Variants in SLC25A48 observed in about 807,000 individuals in gnomAD.
The protein encoded by SLC25A48 is CTC-321K16.1.
SLC25A48 carries 29 observed loss-of-function variants against 32.2 expected under a neutral mutation model. The observed-to-expected ratio is 0.90, with a 90% CI of 0.67 to 1.23. SLC25A48 has a LOEUF of 1.23. Ranked by LOEUF, SLC25A48 falls within the 50% of genes most tolerant of loss-of-function variation. The probability of loss-of-function intolerance (pLI) is 0.00; values close to 1 mark genes in which losing one functional copy is unlikely to be tolerated. For missense variants in SLC25A48, 399 were observed against 422.7 expected (o/e 0.94, Z 0.49); for synonymous variants, 164 against 172.3 (o/e 0.95, Z 0.38).
intron 3 of SLC25A48, among the ~76,000 whole-genome samples, chr5:135,743,793 C>T (rs903197075): frequency 6.6e-6 from 1 of 152,194 alleles, no homozygotes; most frequent in Non-Finnish European, 1.5e-5. Context: ...GGATGACTGC[C>T]CTCACAAATT....
At chr5:135,735,814 A>G (rs1229468178) in intron 3 of SLC25A48, among the ~76,000 whole-genome samples, 1 of 152,156 alleles carries the variant, frequency 6.6e-6, no homozygotes, top group African/African-American at 2.4e-5. Context: ...GAATTCCTGT[A>G]TATATTCAGT....
At chr5:135,613,046 T>G (rs1752108021) in intron 1 of SLC25A48, among the ~76,000 whole-genome samples, 1 of 152,208 alleles carries the variant, frequency 6.6e-6, no homozygotes, top group South Asian at 2.1e-4. Context: ...CTACCAACAG[T>G]GTATGAGTAC....
chr5:135,878,542 C>T (rs1445599408), intron 6 of SLC25A48, among the ~76,000 whole-genome samples: 1 of 152,174 alleles, frequency 6.6e-6, no homozygotes, highest in Non-Finnish European at 1.5e-5. Flanking sequence ...CCATCAGCCC[C>T]TTTCCCAGGG....
intron 3 of SLC25A48, among the ~76,000 whole-genome samples, chr5:135,808,295 A>G (rs1316273303): frequency 6.6e-6 from 1 of 150,934 alleles, no homozygotes; most frequent in African/African-American, 2.4e-5. Flanking sequence ...ATTATATATG[A>G]TATTATCTAT....
intron 3 of SLC25A48, among the ~76,000 whole-genome samples, chr5:135,777,099 T>C (rs1756583966): frequency 6.6e-6 from 1 of 151,860 alleles, no homozygotes; most frequent in Admixed American, 6.6e-5. Context: ...TGTGATATTG[T>C]TTTTAATATC....
In SLC25A48 at chr5:135,731,569, G is replaced by A. The variant is rs532994634; in HGVS notation, c.-520-80954G>A. Among the ~76,000 whole-genome samples the A allele has an allele frequency of 2.6e-5, 4 of 152,220 alleles. No homozygotes were observed. In the South Asian group the frequency reaches 8.3e-4, roughly 32 times the overall value. On this transcript the variant is annotated intron_variant, in intron 3 of 10. Transcript: ENST00000646290. ...GATTAAGCTGAAGGAAGATTTTGTG[G>A]TAAGGGCAATATTGTGGGGTTGTTA...
chr5:135,700,879 C>T (rs1009132331), intron 3 of SLC25A48, among the ~76,000 whole-genome samples: 1 of 152,240 alleles, frequency 6.6e-6, no homozygotes, highest in Non-Finnish European at 1.5e-5. Flanking sequence ...CCTCTGCTCC[C>T]AGCTGCTAAG....
chr5:135,731,414 TAAAAC>T (rs957667632), intron 3 of SLC25A48, among the ~76,000 whole-genome samples: 4 of 152,070 alleles, frequency 2.6e-5, no homozygotes, highest in African/African-American at 9.7e-5. Context: ...ATAAGAAAAA[TAAAAC>T]AAAATAGTGG....
intron 6 of SLC25A48, chr5:135,876,395 G>C (rs911435044): frequency 1.3e-5 from 2 of 152,064 alleles, no homozygotes; most frequent in African/African-American, 4.8e-5. Context: ...TCAGACGATT[G>C]GTTTCTTAAT....
At chr5:135,875,170 C>G (rs1333161223) in intron 6 of SLC25A48, 1 of 153,568 alleles carries the variant, frequency 6.5e-6, no homozygotes, top group Admixed American at 6.5e-5. Flanking sequence ...ATGGCTGCCC[C>G]ACCCCAGGCC....
chr5:135,856,747 T>C (rs1310892615), intron 4 of SLC25A48, among the ~76,000 whole-genome samples: 1 of 152,208 alleles, frequency 6.6e-6, no homozygotes, highest in African/African-American at 2.4e-5. Context: ...CTCTGAGGAA[T>C]GTTTGAACTT....
At chr5:135,886,699 AGAGTGT>A (rs1561568045) in intron 7 of SLC25A48, among the ~76,000 whole-genome samples, 3 of 124,732 alleles carry the variant, frequency 2.4e-5, no homozygotes, top group Non-Finnish European at 5.2e-5. Context: ...AGAGAGAGAG[AGAGTGT>A]GTGTGTGTGT....
At chr5:135,739,939 T>C (rs2126999213) in intron 3 of SLC25A48, among the ~76,000 whole-genome samples, 1 of 152,298 alleles carries the variant, frequency 6.6e-6, no homozygotes, top group East Asian at 1.9e-4. Flanking sequence ...ATATAAACAG[T>C]TGTCTACTCA....
chr5:135,742,014 G>A (rs1755511126), intron 3 of SLC25A48, among the ~76,000 whole-genome samples: 1 of 152,194 alleles, frequency 6.6e-6, no homozygotes, highest in South Asian at 2.1e-4. Context: ...GTTCTCTGCA[G>A]GGATTGAGAT....
chr5:135,762,889 TGTGA>T (rs904589237), intron 3 of SLC25A48, among the ~76,000 whole-genome samples: 8 of 151,932 alleles, frequency 5.3e-5, no homozygotes, highest in Non-Finnish European at 1.2e-4. Flanking sequence ...AAACAGCAAA[TGTGA>T]GTGTGTGAAT....
chr5:135,662,663 A>G (rs1753431267), intron 3 of SLC25A48, among the ~76,000 whole-genome samples: 1 of 149,716 alleles, frequency 6.7e-6, no homozygotes, highest in Admixed American at 6.7e-5. Flanking sequence ...CCTCCTCCTC[A>G]TTCTCTTTGC....
upstream of SLC25A48, among the ~76,000 whole-genome samples, chr5:135,833,158 G>T (rs781153415): frequency 6.6e-6 from 1 of 152,232 alleles, no homozygotes; most frequent in Middle Eastern, 3.2e-3. Context: ...GGGCAGGTTT[G>T]TGGCATGCAT....
At chr5:135,701,446 C>T (rs1356180281) in intron 3 of SLC25A48, among the ~76,000 whole-genome samples, 1 of 152,178 alleles carries the variant, frequency 6.6e-6, no homozygotes, top group African/African-American at 2.4e-5. Context: ...ATATTGGGAG[C>T]AGTATTTTGA....
At chr5:135,812,235 C>T (rs936187108) in intron 3 of SLC25A48, among the ~76,000 whole-genome samples, 1 of 152,078 alleles carries the variant, frequency 6.6e-6, no homozygotes, top group Non-Finnish European at 1.5e-5. Flanking sequence ...TTGATACAGG[C>T]ATGCAATTTG....
Sources: allele counts gnomAD v4.1 joint callset (sites outside exome capture counted in the v4.1 genomes callset), GRCh38; gene constraint gnomAD v4.1.1; transcripts MANE v1.5; gene names NCBI Gene and HGNC (gene_info 2026-07-23, HGNC 2026-07-21).